Variants in WDFY4 observed in about 807,000 individuals in gnomAD.
The protein encoded by WDFY4 is WDFY family member 4.
WDFY4 carries 169 observed loss-of-function variants against 351.9 expected under a neutral mutation model. The ratio of observed to expected loss-of-function variants is 0.48; its 90% CI spans 0.42 to 0.55. The LOEUF is 0.55. Ranked by LOEUF, WDFY4 falls within the 20% of genes least tolerant of loss-of-function variation. WDFY4 has a pLI of 0.00. For missense variants in WDFY4, 3,803 were observed against 3,935.6 expected, an observed-to-expected ratio of 0.97 and a Z score of 0.90; for synonymous variants, 1,622 against 1,574.6, an observed-to-expected ratio of 1.03 and a Z score of -0.71.
chr10:48,777,558 C>A (rs1565186439), intron 17 of WDFY4, 63 bp downstream of exon 17: 5 of 1,438,206 alleles, frequency 3.5e-6, no homozygotes, highest in Non-Finnish European at 4.8e-6. Flanking sequence ...CTTCAGATAG[C>A]CTTGATTGCA....
chr10:48,758,738 T>TTGTTG (rs1201942038), intron 12 of WDFY4, among the ~76,000 whole-genome samples: 3 of 152,238 alleles, frequency 2.0e-5, no homozygotes, highest in Non-Finnish European at 4.4e-5. Flanking sequence ...TTGTGTTTAC[T>TTGTTG]TGATTCTTTT....
At chr10:48,944,418 G>A (rs1000395403) in intron 49 of WDFY4, among the ~76,000 whole-genome samples, 1 of 152,222 alleles carries the variant, frequency 6.6e-6, no homozygotes, top group Non-Finnish European at 1.5e-5. Flanking sequence ...GGTGATTTCT[G>A]TGCTTCTATG....
chr10:48,933,308 T>G (rs923615921), intron 47 of WDFY4, among the ~76,000 whole-genome samples: 21 of 152,144 alleles, frequency 1.4e-4, no homozygotes, highest in African/African-American at 3.9e-4. Context: ...ATCATCTCAT[T>G]TAATCTAGTC....
chr10:48,781,230 G>GTGTGTGTGTGTGTATATATATA (rs1565190491), intron 19 of WDFY4, among the ~76,000 whole-genome samples: 1 of 143,316 alleles, frequency 7.0e-6, no homozygotes, highest in Non-Finnish European at 1.5e-5. Flanking sequence ...ATATATATAT[G>GTGTGTGTGTGTGTATATATATA]TGTGTGTGTG....
In WDFY4 at chr10:48,982,868, C is replaced by T. The variant is rs1161135841; in HGVS notation, c.*293C>T. The T allele has an allele frequency of 2.7e-6, 1 of 372,780 alleles. No homozygotes were observed. The highest frequency in any genetic ancestry group is 5.1e-6 in the Non-Finnish European group (1 of 196,510). 23.1% of individuals were successfully genotyped at this position (372,780 alleles called of 1,614,324 possible). A position where few individuals can be genotyped will look rare whatever the true frequency, so the allele number is the denominator to read the frequency against. On this transcript the variant is annotated 3_prime_UTR_variant, in exon 62 of 62. Transcript: ENST00000325239. ...TACACATGACTCACCTTATTAAGGG[C>T]TATTGCACTGAAAAAAAAAAAGATG...
intron 2 of WDFY4, among the ~76,000 whole-genome samples, chr10:48,718,071 T>G (rs1293415983): frequency 6.6e-6 from 1 of 152,236 alleles, no homozygotes; most frequent in Non-Finnish European, 1.5e-5. Flanking sequence ...TGTCAGGTAT[T>G]TCATTTTTGC....
chr10:48,910,988 G>A (rs1837947847), intron 47 of WDFY4: 2 of 798,662 alleles, frequency 2.5e-6, no homozygotes, highest in Non-Finnish European at 3.0e-6. Flanking sequence ...TCTGAAGGGG[G>A]AGAAATTGAA....
chr10:48,774,795 C>T, intron 14 of WDFY4, 123 bp downstream of exon 14: 1 of 1,261,954 alleles, frequency 7.9e-7, no homozygotes, highest in Non-Finnish European at 1.1e-6. Flanking sequence ...TCTGTCCTGG[C>T]ATTCAAGGCT....
intron 2 of WDFY4, among the ~76,000 whole-genome samples, chr10:48,715,086 C>T (rs12240654): frequency 0.052 from 7,959 of 152,338 alleles, 384 homozygotes; most frequent in African/African-American, 0.12. Flanking sequence ...TGAGTGAACA[C>T]CTGTGTGGAG....
chr10:48,742,687 G>T (rs2064889845), intron 11 of WDFY4, among the ~76,000 whole-genome samples: 1 of 152,172 alleles, frequency 6.6e-6, no homozygotes, highest in Admixed American at 6.5e-5. Flanking sequence ...GGATGAGTAT[G>T]AGCTACAGGA....
At position 48,826,825 on chromosome 10, in the gene WDFY4, G is replaced by C. The variant is rs1331478573; in HGVS notation, c.6137G>C (p.Trp2046Ser). ...ATCCTGGGCTTTCTGCAGGAGCACT[G>C]GGATGTTGTCTTTGCCACCTACAAT... ...LSILGFLQEH[W>S]DVVFATYNSN... Residue 2046 changes from tryptophan to serine, a missense_variant, in exon 36 of 62, where the codon TGG becomes TCG. Trp to Ser is a radical substitution (Grantham distance 177). This residue lies in a region of WDFY4 where 3,054 missense variants were observed against 3,148.6 expected (regional missense o/e 0.97). Transcript: ENST00000325239. 6.4e-7 allele frequency: 1 copy of C among 1,551,842 alleles called. No individual in the cohort carries two copies. The highest frequency in any genetic ancestry group is 2.0e-5 in the Admixed American group (1 of 51,006).
intron 1 of WDFY4, among the ~76,000 whole-genome samples, chr10:48,705,669 G>T (rs574560864): frequency 6.6e-6 from 1 of 152,296 alleles, no homozygotes; most frequent in South Asian, 2.1e-4. Context: ...TCAGGGGTCC[G>T]CATTAGTTAG....
chr10:48,746,917 G>A lies in WDFY4; in HGVS notation c.2459+3369G>A, dbSNP rs192587431. On this transcript the variant is annotated intron_variant, in intron 12 of 61. Coordinates refer to ENST00000325239, the MANE Select transcript of WDFY4 (RefSeq NM_001394531.1). ...ATCAGATATGACAGTTATTGTTGTT[G>A]TTTTATAAAATATTCTTTGGATTTA... Among the ~76,000 whole-genome samples the A allele has an allele frequency of 5.9e-5, 9 of 152,192 alleles. No homozygotes were observed. In the East Asian group the frequency reaches 1.7e-3, roughly 29 times the overall value.
At chr10:48,923,030 C>A (rs549406963) in intron 47 of WDFY4, among the ~76,000 whole-genome samples, 2 of 152,190 alleles carry the variant, frequency 1.3e-5, no homozygotes, top group Non-Finnish European at 2.9e-5. Context: ...AATTTTACTG[C>A]AGAAACATTT....
intron 1 of WDFY4, among the ~76,000 whole-genome samples, chr10:48,691,916 G>A (rs1420342709): frequency 6.6e-6 from 1 of 151,978 alleles, no homozygotes; most frequent in Non-Finnish European, 1.5e-5. Context: ...AGGCTGCAGG[G>A]TGGCAGATGC....
intron 47 of WDFY4, among the ~76,000 whole-genome samples, chr10:48,938,717 G>A (rs886515420): frequency 6.6e-6 from 1 of 152,184 alleles, no homozygotes; most frequent in Non-Finnish European, 1.5e-5. Flanking sequence ...AGCTCGTCTG[G>A]GGGGGTAAAG....
intron 47 of WDFY4, among the ~76,000 whole-genome samples, chr10:48,937,988 C>T (rs891402848): frequency 6.6e-6 from 1 of 152,248 alleles, no homozygotes; most frequent in Non-Finnish European, 1.5e-5. Flanking sequence ...GAAGCCTCGC[C>T]TGGCAATGGC....
At chr10:48,808,843 G>A (rs1471016750) in intron 28 of WDFY4, among the ~76,000 whole-genome samples, 5 of 152,190 alleles carry the variant, frequency 3.3e-5, no homozygotes, top group Admixed American at 6.5e-5. Context: ...TTCCGGGTTC[G>A]AATCCTAGCC....
At chr10:48,855,037 T>C (rs1431245530) in intron 39 of WDFY4, among the ~76,000 whole-genome samples, 1 of 152,040 alleles carries the variant, frequency 6.6e-6, no homozygotes, top group East Asian at 1.9e-4. Context: ...AACAGCAATA[T>C]TGAAAAAAAT....
Sources: allele counts gnomAD v4.1 joint callset (sites outside exome capture counted in the v4.1 genomes callset), GRCh38; gene constraint gnomAD v4.1.1; regional missense constraint gnomAD v4.1.1; transcripts MANE v1.5; gene names NCBI Gene and HGNC (gene_info 2026-07-23, HGNC 2026-07-21).